GRIK2: variants seen among roughly 807,000 people sequenced by gnomAD.
The protein encoded by GRIK2 is glutamate ionotropic receptor kainate type subunit 2.
GRIK2 carries 32 observed loss-of-function variants against 100.3 expected under a neutral mutation model. The ratio of observed to expected loss-of-function variants is 0.32; its 90% CI spans 0.24 to 0.43. The LOEUF (loss-of-function observed/expected upper bound fraction) is 0.43, where lower values mean the gene tolerates loss of function less well. Ranked by LOEUF, GRIK2 falls within the 20% of genes least tolerant of loss-of-function variation. The pLI is 1.00. For synonymous variants in GRIK2, 417 were observed against 389.4 expected, an observed-to-expected ratio of 1.07 and a Z score of -0.83; for missense variants, 843 against 1,114.9, an observed-to-expected ratio of 0.76 and a Z score of 3.47.
chr6:101,533,482 A>T (rs1775540815), intron 2 of GRIK2, among the ~76,000 whole-genome samples: 1 of 151,986 alleles, frequency 6.6e-6, no homozygotes, highest in African/African-American at 2.4e-5. Context: ...GTTTGGGAGA[A>T]AGATTTTTTT....
rs1364404641 is a variant in GRIK2, at chr6:101,756,687, C to A, written c.952-42961C>A. 2.6e-5 allele frequency among the ~76,000 whole-genome samples: 4 copies of A among 152,108 alleles called. No homozygotes were observed. The South Asian group carries it at 8.3e-4, about 32-fold the overall frequency. On this transcript the variant is annotated intron_variant, in intron 7 of 16. Coordinates refer to ENST00000369134, the MANE Select transcript of GRIK2 (RefSeq NM_021956.5). ...TTCAAGCGCTCTCTGAAAATAATTT[C>A]TTTAAATGACCATTTGAAATTAAAA...
At chr6:101,665,730 G>C (rs1046897538) in intron 4 of GRIK2, among the ~76,000 whole-genome samples, 1 of 152,200 alleles carries the variant, frequency 6.6e-6, no homozygotes, top group East Asian at 1.9e-4. Flanking sequence ...GTTAGAAGAG[G>C]TAAGAGTTGG....
chr6:101,521,021 A>C (rs1774856310), intron 2 of GRIK2, among the ~76,000 whole-genome samples: 1 of 152,110 alleles, frequency 6.6e-6, no homozygotes. Flanking sequence ...GAGCAAAAGA[A>C]GCAAATGTGT....
intron 2 of GRIK2, among the ~76,000 whole-genome samples, chr6:101,428,251 T>TA (rs1446578200): frequency 6.6e-6 from 1 of 152,234 alleles, no homozygotes; most frequent in African/African-American, 2.4e-5. Context: ...CTCTGTTTGC[T>TA]AGTTAGGCAC....
At chr6:101,958,720 T>C (rs1405436193) in intron 14 of GRIK2, among the ~76,000 whole-genome samples, 1 of 151,988 alleles carries the variant, frequency 6.6e-6, no homozygotes, top group African/African-American at 2.4e-5. Flanking sequence ...GTGTGCTGAG[T>C]GTTTTTATCA....
At chr6:101,540,384 A>G (rs1347147053) in intron 2 of GRIK2, among the ~76,000 whole-genome samples, 1 of 151,944 alleles carries the variant, frequency 6.6e-6, no homozygotes, top group Admixed American at 6.6e-5. Flanking sequence ...TTTAAAAATA[A>G]CTAAAATTGT....
chr6:101,770,083 G>C (rs540238200), intron 7 of GRIK2, among the ~76,000 whole-genome samples: 23 of 152,160 alleles, frequency 1.5e-4, no homozygotes, highest in Non-Finnish European at 3.2e-4. Flanking sequence ...GTGTTCTCTG[G>C]TTCTGCCAGG....
chr6:101,560,082 G>A (rs1322892604), intron 2 of GRIK2, among the ~76,000 whole-genome samples: 1 of 152,042 alleles, frequency 6.6e-6, no homozygotes, highest in Non-Finnish European at 1.5e-5. Flanking sequence ...CAAATGGTTA[G>A]GAATTAGTTT....
At chr6:101,593,439 G>C (rs990302469) in intron 2 of GRIK2, among the ~76,000 whole-genome samples, 3 of 151,844 alleles carry the variant, frequency 2.0e-5, no homozygotes, top group Non-Finnish European at 4.4e-5. Context: ...TGCTTTCACT[G>C]TTCCTCTGAC....
At chr6:101,952,888 A>G (rs1253776613) in intron 14 of GRIK2, among the ~76,000 whole-genome samples, 1 of 152,144 alleles carries the variant, frequency 6.6e-6, no homozygotes. Flanking sequence ...AATTTTTAAA[A>G]CTTTTTCAAC....
intron 14 of GRIK2, among the ~76,000 whole-genome samples, chr6:102,006,144 C>T (rs939185408): frequency 4.0e-5 from 6 of 151,814 alleles, no homozygotes; most frequent in Non-Finnish European, 8.8e-5. Flanking sequence ...TAGCCCATAG[C>T]ACCAAGAATT....
chr6:101,737,717 T>C (rs566518780), intron 7 of GRIK2, among the ~76,000 whole-genome samples: 1 of 152,342 alleles, frequency 6.6e-6, no homozygotes, highest in Non-Finnish European at 1.5e-5. Context: ...ATTTGATCTT[T>C]AGGTTTGCAC....
At chr6:101,962,616 A>G (rs377363017) in intron 14 of GRIK2, among the ~76,000 whole-genome samples, 2 of 152,146 alleles carry the variant, frequency 1.3e-5, no homozygotes, top group Admixed American at 6.6e-5. Context: ...TCCATTATTG[A>G]AAGTGAGCTA....
intron 7 of GRIK2, among the ~76,000 whole-genome samples, chr6:101,798,057 T>TC (rs1562396086): frequency 6.6e-6 from 1 of 150,744 alleles, no homozygotes; most frequent in African/African-American, 2.4e-5. Flanking sequence ...TTTTTTTTTT[T>TC]CTAAAAACAA....
chr6:101,429,548 G>A (rs1769256556), intron 2 of GRIK2, among the ~76,000 whole-genome samples: 2 of 152,130 alleles, frequency 1.3e-5, no homozygotes, highest in African/African-American at 2.4e-5. Context: ...AAAGTGCTAA[G>A]TAGATAATTA....
chr6:101,771,342 C>T (rs1778390654), intron 7 of GRIK2, among the ~76,000 whole-genome samples: 1 of 151,614 alleles, frequency 6.6e-6, no homozygotes, highest in African/African-American at 2.4e-5. Flanking sequence ...TTGAATTAAA[C>T]ATTTGAATAC....
intron 7 of GRIK2, among the ~76,000 whole-genome samples, chr6:101,771,161 A>T (rs1276037305): frequency 6.6e-6 from 1 of 152,074 alleles, no homozygotes; most frequent in Non-Finnish European, 1.5e-5. Flanking sequence ...TGATTCTTTC[A>T]TTTTGAGCTG....
At chr6:101,594,579 A>C (rs62419657) in intron 2 of GRIK2, among the ~76,000 whole-genome samples, 4 of 151,808 alleles carry the variant, frequency 2.6e-5, no homozygotes, top group Non-Finnish European at 4.4e-5. Flanking sequence ...TCTCAGAAAC[A>C]AAATGAGTAT....
chr6:102,019,381 C>T (rs923305449), intron 14 of GRIK2, among the ~76,000 whole-genome samples: 12 of 152,030 alleles, frequency 7.9e-5, no homozygotes, highest in African/African-American at 2.9e-4. Flanking sequence ...TGAAATTATG[C>T]TAACTGTAAA....
Sources: allele counts gnomAD v4.1 joint callset (sites outside exome capture counted in the v4.1 genomes callset), GRCh38; gene constraint gnomAD v4.1.1; transcripts MANE v1.5; gene names NCBI Gene and HGNC (gene_info 2026-07-23, HGNC 2026-07-21).